The following THSD7A variants were observed in gnomAD, a reference collection of about 807,000 sequenced individuals.
THSD7A encodes thrombospondin type-1 domain-containing protein 7A.
In THSD7A, 96 loss-of-function variants were observed where a neutral mutation model predicts 231.3. That is an observed-to-expected ratio of 0.41 (90% CI 0.35 to 0.49). The LOEUF is 0.49. Ranked by LOEUF, THSD7A falls within the 20% of genes least tolerant of loss-of-function variation. The probability of loss-of-function intolerance (pLI) is 0.05; values close to 1 mark genes in which losing one functional copy is unlikely to be tolerated. For missense variants in THSD7A, 2,290 were observed against 2,070.2 expected (o/e 1.11, Z -2.06); for synonymous variants, 940 against 743.3 (o/e 1.26, Z -4.30).
intron 1 of THSD7A, among the ~76,000 whole-genome samples, chr7:11,693,192 T>C (rs1304766217): frequency 1.3e-5 from 2 of 151,610 alleles, no homozygotes; most frequent in African/African-American, 2.4e-5. Context: ...TTTGATTATA[T>C]AGATGTATAT....
At chr7:11,573,901 T>C (rs7798085) in intron 4 of THSD7A, among the ~76,000 whole-genome samples, 98,766 of 152,048 alleles carry the variant, frequency 0.65, 32,601 homozygotes, top group African/African-American at 0.78. Flanking sequence ...CCCTAAGTAG[T>C]TTTAGGAAAT....
intron 1 of THSD7A, among the ~76,000 whole-genome samples, chr7:11,665,513 T>C (rs907411492): frequency 6.6e-6 from 1 of 152,146 alleles, no homozygotes; most frequent in Non-Finnish European, 1.5e-5. Context: ...GCTGTTCTCA[T>C]CCATTTTCAA....
At chr7:11,554,460 A>G (rs894485971) in intron 4 of THSD7A, among the ~76,000 whole-genome samples, 2 of 152,082 alleles carry the variant, frequency 1.3e-5, no homozygotes, top group African/African-American at 4.8e-5. Flanking sequence ...CCTAGGTGTT[A>G]TTAAGATGAG....
At chr7:11,728,139 C>A (rs1228296961) in intron 1 of THSD7A, among the ~76,000 whole-genome samples, 1 of 151,900 alleles carries the variant, frequency 6.6e-6, no homozygotes, top group African/African-American at 2.4e-5. Flanking sequence ...AAAATGTTTT[C>A]CAGCTGTTTC....
intron 14 of THSD7A, among the ~76,000 whole-genome samples, chr7:11,427,470 T>G (rs1186015483): frequency 6.6e-6 from 1 of 152,138 alleles, no homozygotes; most frequent in Non-Finnish European, 1.5e-5. Flanking sequence ...GACAAATGGT[T>G]TAGGCCAAAC....
intron 1 of THSD7A, chr7:11,821,234 G>C (rs1433922251): frequency 2.6e-6 from 3 of 1,176,244 alleles, no homozygotes; most frequent in Non-Finnish European, 3.8e-6. Context: ...TGGGCTAACA[G>C]TTCTGAGGGT....
At chr7:11,724,167 A>T (rs1372044954) in intron 1 of THSD7A, among the ~76,000 whole-genome samples, 1 of 151,992 alleles carries the variant, frequency 6.6e-6, no homozygotes, top group East Asian at 2.0e-4. Context: ...CAAGAATGTC[A>T]TCAATATTTT....
chr7:11,806,145 T>G (rs1235960070), intron 1 of THSD7A, among the ~76,000 whole-genome samples: 1 of 152,168 alleles, frequency 6.6e-6, no homozygotes, highest in Non-Finnish European at 1.5e-5. Flanking sequence ...CTTAACACCC[T>G]ATGATCAGCT....
intron 7 of THSD7A, among the ~76,000 whole-genome samples, chr7:11,475,502 T>C (rs1786123439): frequency 6.6e-6 from 1 of 151,414 alleles, no homozygotes; most frequent in Non-Finnish European, 1.5e-5. Flanking sequence ...TCAAGGTCAA[T>C]AGTGGGAGAA....
In THSD7A at chr7:11,406,257, G is replaced by A; in HGVS notation, c.4237+43C>T. On this transcript the variant is annotated intron_variant, in intron 22 of 27. Coordinates refer to ENST00000423059, the MANE Select transcript of THSD7A (RefSeq NM_015204.3). This position sits in a 1 kb window ranked among gnomAD's most constrained non-coding sequence, Gnocchi z 4.7. ...CAACCCCTTCACGGCCCTTGTCCTA[G>A]GAAAAAATAATCAGAATATGAATTC... 1 of 1,556,510 alleles carries A rather than the reference G, an allele frequency of 6.4e-7. No homozygotes were observed. The highest frequency in any genetic ancestry group is 8.7e-7 in the Non-Finnish European group (1 of 1,153,210).
rs33930587 is a variant in THSD7A, at chr7:11,568,624, CAAAAAAAAAAAAAAAAA to C, written c.1453+21819_1453+21835del. On this transcript the variant is annotated intron_variant, in intron 4 of 27. Transcript: ENST00000423059. ...TGAGTGACAGAGTGAAACTCCGTCT[CAAAAAAAAAAAAAAAAA>C]AAAAAAAAAAAAACCAAAATCTGGA... Among the ~76,000 whole-genome samples, 16 of 48,998 alleles carry C rather than the reference CAAAAAAAAAAAAAAAAA, an allele frequency of 3.3e-4. 1 individual carries two copies. The South Asian group carries it at 0.021, about 65-fold the overall frequency. The allele number at this position is 48,998 out of a possible 152,430, so 32.1% of individuals were successfully genotyped here.
At chr7:11,462,411 G>A (rs1315990643) in intron 9 of THSD7A, among the ~76,000 whole-genome samples, 1 of 152,172 alleles carries the variant, frequency 6.6e-6, no homozygotes, top group Admixed American at 6.5e-5. Flanking sequence ...CAGTCACAAA[G>A]TAATTGCTCT....
At chr7:11,580,115 T>C (rs1379361217) in intron 4 of THSD7A, among the ~76,000 whole-genome samples, 1 of 152,128 alleles carries the variant, frequency 6.6e-6, no homozygotes, top group East Asian at 1.9e-4. Flanking sequence ...AAGACTCTCA[T>C]TAGCTGCATG....
rs193218190 is a variant in THSD7A, at chr7:11,697,810, T to A, written c.191-60849A>T. Among the ~76,000 whole-genome samples, 270 of 151,528 alleles carry A rather than the reference T, an allele frequency of 1.8e-3. 1 individual carries two copies. The highest frequency in any genetic ancestry group is 6.3e-3 in the African/African-American group (261 of 41,464). On this transcript the variant is annotated intron_variant, in intron 1 of 27. Coordinates refer to ENST00000423059, the MANE Select transcript of THSD7A (RefSeq NM_015204.3). ...AAGAAGAACCTGTCCATACTGAATG[T>A]CACGCAGTTTCCATCCTTAGGCACC...
intron 2 of THSD7A, among the ~76,000 whole-genome samples, chr7:11,597,363 G>A (rs1434430516): frequency 6.6e-6 from 1 of 152,188 alleles, no homozygotes; most frequent in African/African-American, 2.4e-5. Flanking sequence ...TGTTAGTCTG[G>A]CCCATATACC....
At chr7:11,376,951 C>T (rs1463551850) in intron 26 of THSD7A, 2 of 255,090 alleles carry the variant, frequency 7.8e-6, no homozygotes, top group African/African-American at 2.2e-5. Flanking sequence ...TTACTTCAAA[C>T]TCAATACATG....
chr7:11,697,675 C>G (rs1780444338), intron 1 of THSD7A, among the ~76,000 whole-genome samples: 1 of 151,252 alleles, frequency 6.6e-6, no homozygotes, highest in South Asian at 2.1e-4. Context: ...TTTCAAATGT[C>G]TTCTCATTTA....
At chr7:11,555,029 CT>C (rs1789787595) in intron 4 of THSD7A, among the ~76,000 whole-genome samples, 1 of 151,710 alleles carries the variant, frequency 6.6e-6, no homozygotes, top group Non-Finnish European at 1.5e-5. Flanking sequence ...GTTTAATGAT[CT>C]ATTGAATGAA....
At chr7:11,448,289 T>C (rs1237717337) in intron 11 of THSD7A, among the ~76,000 whole-genome samples, 2 of 152,170 alleles carry the variant, frequency 1.3e-5, no homozygotes, top group Non-Finnish European at 2.9e-5. Context: ...TGTTTTATGG[T>C]AACAAGTCTT....
Sources: allele counts gnomAD v4.1 joint callset (sites outside exome capture counted in the v4.1 genomes callset), GRCh38; gene constraint gnomAD v4.1.1; non-coding constraint Gnocchi (gnomAD v3.1); transcripts MANE v1.5; gene names NCBI Gene and HGNC (gene_info 2026-07-23, HGNC 2026-07-21).